Variants in TMEM232 observed in about 807,000 individuals in gnomAD.
The protein encoded by TMEM232 is transmembrane protein 232.
TMEM232 carries 80 observed loss-of-function variants against 78.8 expected under a neutral mutation model. The observed-to-expected ratio is 1.01, with a 90% CI of 0.85 to 1.22. The LOEUF (loss-of-function observed/expected upper bound fraction) is 1.22, where lower values mean the gene tolerates loss of function less well. TMEM232 is among the 50% of genes most tolerant of loss of function. The pLI, the probability that TMEM232 is intolerant of heterozygous loss-of-function variation, is 0.00. For missense variants in TMEM232, 881 were observed against 742.2 expected, an observed-to-expected ratio of 1.19 and a Z score of -2.17; for synonymous variants, 297 against 254.3, an observed-to-expected ratio of 1.17 and a Z score of -1.60.
At chr5:110,458,468 AAGGCAT>A (rs1761135500) in intron 12 of TMEM232, among the ~76,000 whole-genome samples, 1 of 152,130 alleles carries the variant, frequency 6.6e-6, no homozygotes, top group African/African-American at 2.4e-5. Flanking sequence ...AGCCTGACAC[AAGGCAT>A]AGGCCCTGGC....
chr5:110,539,118 T>TA (rs1443863925), intron 11 of TMEM232, among the ~76,000 whole-genome samples: 1 of 152,164 alleles, frequency 6.6e-6, no homozygotes, highest in Non-Finnish European at 1.5e-5. Context: ...ATTACATTAG[T>TA]AAACAGGCTA....
intron 12 of TMEM232, among the ~76,000 whole-genome samples, chr5:110,461,831 G>GT (rs944657534): frequency 1.3e-5 from 2 of 152,060 alleles, no homozygotes; most frequent in Non-Finnish European, 2.9e-5. Flanking sequence ...GACAGCACAT[G>GT]TTTTTACAGC....
chr5:110,549,560 C>A, intron 11 of TMEM232, among the ~76,000 whole-genome samples: 1 of 131,240 alleles, frequency 7.6e-6, no homozygotes. Flanking sequence ...GAGTCATGAT[C>A]ACACCACTGC....
At chr5:110,498,180 A>G (rs1378157859) in intron 12 of TMEM232, among the ~76,000 whole-genome samples, 1 of 152,212 alleles carries the variant, frequency 6.6e-6, no homozygotes, top group Non-Finnish European at 1.5e-5. Context: ...TATAAAATGA[A>G]CTTTGTATTA....
At chr5:110,396,772 C>A (rs1430376465) in intron 3 of TMEM232, among the ~76,000 whole-genome samples, 2 of 152,010 alleles carry the variant, frequency 1.3e-5, no homozygotes, top group East Asian at 3.8e-4. Context: ...TTATTTAATC[C>A]CACATTGAGT....
At chr5:110,701,310 G>A (rs1459680772) in intron 1 of TMEM232, among the ~76,000 whole-genome samples, 1 of 151,892 alleles carries the variant, frequency 6.6e-6, no homozygotes, top group East Asian at 1.9e-4. Flanking sequence ...TACAAGTACA[G>A]GTGGATCCAA....
chr5:110,505,880 T>A (rs983435445), intron 12 of TMEM232, among the ~76,000 whole-genome samples: 12 of 152,196 alleles, frequency 7.9e-5, no homozygotes, highest in African/African-American at 2.7e-4. Context: ...CTTTCTTTTT[T>A]GTTATTTTAT....
intron 10 of TMEM232, among the ~76,000 whole-genome samples, chr5:110,575,186 T>G (rs947089224): frequency 6.6e-6 from 1 of 152,064 alleles, no homozygotes; most frequent in Non-Finnish European, 1.5e-5. Context: ...TCACTATATA[T>G]GTACATAATA....
intron 3 of TMEM232, among the ~76,000 whole-genome samples, chr5:110,392,423 T>A (rs1411113766): frequency 6.6e-6 from 1 of 152,220 alleles, no homozygotes; most frequent in African/African-American, 2.4e-5. Flanking sequence ...TAATATGCAC[T>A]GATTTGTTAG....
chr5:110,457,933 AC>A (rs1002981036), intron 12 of TMEM232, among the ~76,000 whole-genome samples: 2 of 152,058 alleles, frequency 1.3e-5, no homozygotes, highest in African/African-American at 4.8e-5. Context: ...TTTATCATAA[AC>A]CCCTTAAGGA....
intron 8 of TMEM232, among the ~76,000 whole-genome samples, chr5:110,613,250 T>C (rs960523466): frequency 2.6e-5 from 4 of 152,154 alleles, no homozygotes; most frequent in African/African-American, 9.7e-5. Context: ...TTTGTTTCTT[T>C]TTGTACTGTA....
At chr5:110,685,872 T>A (rs1018696950) in intron 1 of TMEM232, among the ~76,000 whole-genome samples, 7 of 152,000 alleles carry the variant, frequency 4.6e-5, no homozygotes, top group African/African-American at 1.7e-4. Flanking sequence ...AATACTACAT[T>A]GAGTGAAAAA....
intron 12 of TMEM232, among the ~76,000 whole-genome samples, chr5:110,477,343 G>A (rs546699179): frequency 6.6e-6 from 1 of 151,952 alleles, no homozygotes; most frequent in African/African-American, 2.4e-5. Context: ...TGATGCCCTA[G>A]ATTACTGATA....
chr5:110,423,877 A>C (rs1756954394), intron 13 of TMEM232, among the ~76,000 whole-genome samples: 1 of 151,918 alleles, frequency 6.6e-6, no homozygotes, highest in South Asian at 2.1e-4. Context: ...AATTTAGTTG[A>C]AGTAATGAGT....
At chr5:110,674,153 T>A (rs1791732980) in intron 1 of TMEM232, among the ~76,000 whole-genome samples, 1 of 152,304 alleles carries the variant, frequency 6.6e-6, no homozygotes, top group South Asian at 2.1e-4. Context: ...TTTAACATAA[T>A]TAGCTAAACT....
intron 1 of TMEM232, among the ~76,000 whole-genome samples, chr5:110,672,944 C>T (rs1165871295): frequency 6.6e-6 from 1 of 152,056 alleles, no homozygotes; most frequent in Admixed American, 6.6e-5. Context: ...CCAGCCATCC[C>T]ATTACTGGGT....
At chr5:110,699,724 T>C (rs1795216659) in intron 1 of TMEM232, among the ~76,000 whole-genome samples, 1 of 152,092 alleles carries the variant, frequency 6.6e-6, no homozygotes, top group Non-Finnish European at 1.5e-5. Context: ...CCTCTGCTTC[T>C]TGAACCTTCC....
intron 12 of TMEM232, among the ~76,000 whole-genome samples, chr5:110,439,442 T>C (rs1758789524): frequency 6.6e-6 from 1 of 151,978 alleles, no homozygotes; most frequent in Non-Finnish European, 1.5e-5. Flanking sequence ...CCCTCCAACA[T>C]CTACAGCCTG....
intron 10 of TMEM232, among the ~76,000 whole-genome samples, chr5:110,569,858 A>G (rs1274310890): frequency 1.3e-5 from 2 of 151,920 alleles, no homozygotes; most frequent in Non-Finnish European, 2.9e-5. Context: ...TTGCTTAGAA[A>G]GCTCCCTGGC....
Sources: allele counts gnomAD v4.1 joint callset (sites outside exome capture counted in the v4.1 genomes callset), GRCh38; gene constraint gnomAD v4.1.1; transcripts MANE v1.5; gene names NCBI Gene and HGNC (gene_info 2026-07-23, HGNC 2026-07-21).